The following LPIN2 variants were observed in gnomAD, a reference collection of about 807,000 sequenced individuals.
LPIN2 encodes the protein phosphatidate phosphatase LPIN2.
LPIN2 carries 55 observed loss-of-function variants against 111.4 expected under a neutral mutation model. The ratio of observed to expected loss-of-function variants is 0.49; its 90% CI spans 0.40 to 0.62. The LOEUF (loss-of-function observed/expected upper bound fraction) is 0.62, where lower values mean the gene tolerates loss of function less well. LPIN2 is among the 20% of genes least tolerant of loss of function. The pLI is 0.00. For synonymous variants in LPIN2, 425 were observed against 414.0 expected (o/e 1.03, Z -0.32); for missense variants, 992 against 1,112.1 (o/e 0.89, Z 1.54).
Position 2,939,729 on chromosome 18 carries a change from T to C in LPIN2, c.699-126A>G, listed in dbSNP as rs2077343315. On this transcript the variant is annotated intron_variant, in intron 5 of 19. Coordinates refer to ENST00000677752, the MANE Select transcript of LPIN2 (RefSeq NM_001375808.2). ...TTATCCTGCATATATAAAAACTCTA[T>C]GGAAGGGAGCATCAATTATTTCTTC... is the stretch of plus-strand genomic sequence containing the variant. 7.4e-6 allele frequency: 7 copies of C among 947,838 alleles called. No individual in the cohort carries two copies. In the Admixed American group the frequency reaches 1.1e-4, roughly 14 times the overall value. 58.7% of individuals were successfully genotyped at this position (947,838 alleles called of 1,614,324 possible).
intron 9 of LPIN2, 151 bp from the exon 10 acceptor site, chr18:2,929,309 C>T (rs760806497): frequency 1.1e-4 from 69 of 622,356 alleles, no homozygotes; most frequent in Middle Eastern, 4.2e-4. Context: ...AAATGTCAGA[C>T]GCTTTTTTTC....
At chr18:2,922,557 G>A (rs532063668) in intron 16 of LPIN2, among the ~76,000 whole-genome samples, 4 of 152,260 alleles carry the variant, frequency 2.6e-5, no homozygotes, top group African/African-American at 7.2e-5. Context: ...GATTACAGGT[G>A]TGAGCCACCA....
In LPIN2 at chr18:2,956,743, A is replaced by G. The variant is rs558941855; in HGVS notation, c.193-2144T>C. Among the ~76,000 whole-genome samples, 11 of 152,358 alleles carry G rather than the reference A, an allele frequency of 7.2e-5. 1 individual carries two copies. In the South Asian group the frequency reaches 2.1e-3, roughly 29 times the overall value. ...TCAGACTCTAAACTATTCATACACT[A>G]TCTCAGAAAAATTAACACTTCACAG... On this transcript the variant is annotated intron_variant, in intron 2 of 19. Coordinates refer to ENST00000677752, the MANE Select transcript of LPIN2 (RefSeq NM_001375808.2).
chr18:2,988,469 C>A (rs2078218219), intron 1 of LPIN2, among the ~76,000 whole-genome samples: 2 of 152,304 alleles, frequency 1.3e-5, no homozygotes, highest in African/African-American at 4.8e-5. Flanking sequence ...CTGCCTACTT[C>A]AATCTAAAGC....
rs1313368416 is a variant in LPIN2, at chr18:2,920,775, T to TA, written c.2546+2dup. ...CCGGGCTGAGAGCTGAGAATGTACT[T>TA]ACGATGACTTGTTTCCTTTGGTTCT... On this transcript the variant is annotated splice_region_variant and intron_variant, in intron 19 of 19. Transcript: ENST00000677752. The TA allele has an allele frequency of 1.2e-6, 2 of 1,611,616 alleles. No homozygotes were observed. The highest frequency in any genetic ancestry group is 2.2e-5 in the South Asian group (2 of 91,022).
At chr18:2,946,407 T>C (rs767268685) in intron 4 of LPIN2, 12 of 1,472,862 alleles carry the variant, frequency 8.1e-6, no homozygotes, top group Non-Finnish European at 1.1e-5. Context: ...GTTCTTCTCT[T>C]ACAGCAAGAC....
At chr18:2,934,618 A>G (rs565994927) in intron 7 of LPIN2, among the ~76,000 whole-genome samples, 168 bp from the exon 8 acceptor site, 1 of 152,330 alleles carries the variant, frequency 6.6e-6, no homozygotes, top group East Asian at 1.9e-4. Context: ...CCAGCCATCC[A>G]TGCCAATAGA....
rs112007627 is a variant in LPIN2 at position 2,982,735 on chromosome 18, A to T, written c.-9-21886T>A. On this transcript the variant is annotated intron_variant, in intron 1 of 19. Coordinates refer to ENST00000677752, the MANE Select transcript of LPIN2 (RefSeq NM_001375808.2). ...TTTACTTAATGAGCCTTTACAAACC[A>T]CCTCATCTTCCTTGTCATCTTCTAA... The T allele has an allele frequency of 2.1e-3, 2,732 of 1,303,138 alleles. 42 individuals carry two copies. The African/African-American group carries it at 0.036, about 17-fold the overall frequency. The allele number at this position is 1,303,138 out of a possible 1,614,324, so 80.7% of individuals were successfully genotyped here.
At chr18:3,002,698 C>A (rs936295293) in intron 1 of LPIN2, among the ~76,000 whole-genome samples, 7 of 152,198 alleles carry the variant, frequency 4.6e-5, no homozygotes, top group Non-Finnish European at 8.8e-5. Context: ...TAAGCAAACA[C>A]ATTAAACAAT....
intron 1 of LPIN2, among the ~76,000 whole-genome samples, chr18:3,007,722 A>T (rs1343966396): frequency 6.6e-6 from 1 of 152,244 alleles, no homozygotes; most frequent in Non-Finnish European, 1.5e-5. Context: ...AAAAATATCC[A>T]TAACAATTCA....
chr18:2,981,848 T>TA (rs991727666), intron 1 of LPIN2, among the ~76,000 whole-genome samples: 1 of 152,230 alleles, frequency 6.6e-6, no homozygotes, highest in Admixed American at 6.5e-5. Context: ...TAAAATCAAG[T>TA]TATGAGCCAC....
intron 1 of LPIN2, chr18:2,990,896 T>C (rs650621): frequency 0.95 from 515,750 of 541,526 alleles, 247,273 homozygotes; most frequent in East Asian, 1. Context: ...GTCCTCCTCA[T>C]CCTGGTATGA....
intron 1 of LPIN2, among the ~76,000 whole-genome samples, chr18:3,011,150 G>A (rs1034005318): frequency 1.3e-5 from 2 of 152,124 alleles, no homozygotes; most frequent in African/African-American, 4.8e-5. Context: ...AGGGCGATGA[G>A]AACTTCTATT....
intron 3 of LPIN2, among the ~76,000 whole-genome samples, chr18:2,952,708 G>C (rs543619977): frequency 6.6e-6 from 1 of 152,260 alleles, no homozygotes; most frequent in South Asian, 2.1e-4. Flanking sequence ...TTAATTCAAT[G>C]ATCTTTATTT....
chr18:3,005,051 CTA>C (rs1384977668), intron 1 of LPIN2, among the ~76,000 whole-genome samples: 3 of 152,174 alleles, frequency 2.0e-5, no homozygotes, highest in Non-Finnish European at 2.9e-5. Flanking sequence ...ATGCTGACAT[CTA>C]TAAAGAAAAG....
At chr18:2,962,210 C>T (rs1467694035) in intron 1 of LPIN2, among the ~76,000 whole-genome samples, 1 of 152,206 alleles carries the variant, frequency 6.6e-6, no homozygotes, top group Non-Finnish European at 1.5e-5. Context: ...ATCAGTTCTA[C>T]ACCATGAAGC....
chr18:2,942,496 A>T (rs1346007562), intron 4 of LPIN2, among the ~76,000 whole-genome samples: 2 of 152,208 alleles, frequency 1.3e-5, no homozygotes, highest in Non-Finnish European at 2.9e-5. Flanking sequence ...TATTACAAAT[A>T]TTTTACTTTT....
At chr18:2,943,405 T>C (rs1284132316) in intron 4 of LPIN2, among the ~76,000 whole-genome samples, 1 of 150,428 alleles carries the variant, frequency 6.6e-6, no homozygotes, top group Non-Finnish European at 1.5e-5. Context: ...GTCACTAATG[T>C]AACCAGACTA....
intron 2 of LPIN2, among the ~76,000 whole-genome samples, chr18:2,958,747 G>A (rs576060754): frequency 6.6e-6 from 1 of 152,262 alleles, no homozygotes; most frequent in Admixed American, 6.5e-5. Flanking sequence ...CACAACGATT[G>A]TGTAGCTTTT....
Sources: gnomAD v4.1 joint callset for allele counts (sites outside exome capture counted in the v4.1 genomes callset) on GRCh38, gnomAD v4.1.1 for gene constraint, MANE v1.5 for transcripts, NCBI Gene and HGNC (gene_info 2026-07-23, HGNC 2026-07-21) for gene names.